PLCXD3: variants seen among roughly 807,000 people sequenced by gnomAD.
The protein encoded by PLCXD3 is phosphatidylinositol specific phospholipase C X domain containing 3, also known as PI-PLC X domain-containing protein 3.
PLCXD3 carries 19 observed loss-of-function variants against 25.5 expected under a neutral mutation model. The ratio of observed to expected loss-of-function variants is 0.75; its 90% CI spans 0.52 to 1.09. The LOEUF is 1.09. PLCXD3 is among the 50% of genes least tolerant of loss of function. The pLI is 0.00. For missense variants in PLCXD3, 411 were observed against 388.1 expected (o/e 1.06, Z -0.50); for synonymous variants, 174 against 137.6 (o/e 1.26, Z -1.85).
At chr5:41,469,032 G>A (rs570471728) in intron 1 of PLCXD3, among the ~76,000 whole-genome samples, 4 of 152,032 alleles carry the variant, frequency 2.6e-5, no homozygotes, top group Admixed American at 2.0e-4. Flanking sequence ...ATGGCCTAAC[G>A]GTGTTGAGGT....
At chr5:41,362,576 A>C (rs1744818024) in intron 2 of PLCXD3, among the ~76,000 whole-genome samples, 1 of 152,224 alleles carries the variant, frequency 6.6e-6, no homozygotes, top group Non-Finnish European at 1.5e-5. Flanking sequence ...AGAATGTTAA[A>C]ATCAGAAACC....
chr5:41,382,557 T>C, intron 1 of PLCXD3, 23 bp from the exon 2 acceptor site: 1 of 1,536,062 alleles, frequency 6.5e-7, no homozygotes, highest in Admixed American at 1.9e-5. Context: ...CAAGGCATAG[T>C]GTGGTTAATT....
intron 1 of PLCXD3, among the ~76,000 whole-genome samples, chr5:41,403,734 T>A (rs1746271931): frequency 1.5e-5 from 2 of 137,294 alleles, no homozygotes; most frequent in Non-Finnish European, 3.1e-5. Context: ...GGATATGAAC[T>A]CATCATTTTT....
intron 1 of PLCXD3, among the ~76,000 whole-genome samples, chr5:41,508,536 T>C (rs1738933606): frequency 6.6e-6 from 1 of 152,246 alleles, no homozygotes; most frequent in Admixed American, 6.5e-5. Flanking sequence ...CCCTGCTTCA[T>C]GGGGTTTTAG....
chr5:41,377,902 T>C (rs1476473505), intron 2 of PLCXD3, among the ~76,000 whole-genome samples: 2 of 152,032 alleles, frequency 1.3e-5, no homozygotes, highest in Non-Finnish European at 2.9e-5. Flanking sequence ...TAGCTCAAAC[T>C]CCAAACTGTG....
chr5:41,478,090 T>C (rs941519745), intron 1 of PLCXD3, among the ~76,000 whole-genome samples: 3 of 152,194 alleles, frequency 2.0e-5, no homozygotes, highest in African/African-American at 7.2e-5. Flanking sequence ...CATGATAGGC[T>C]GGCCATGTTT....
At chr5:41,424,925 A>G (rs907289164) in intron 1 of PLCXD3, among the ~76,000 whole-genome samples, 2 of 152,182 alleles carry the variant, frequency 1.3e-5, no homozygotes, top group Admixed American at 6.5e-5. Context: ...CTAATTTTCT[A>G]ACTTTATGAT....
intron 2 of PLCXD3, among the ~76,000 whole-genome samples, chr5:41,321,315 G>C (rs562607402): frequency 5.3e-5 from 8 of 151,894 alleles, no homozygotes; most frequent in Non-Finnish European, 7.4e-5. Flanking sequence ...ATGTGAAAAA[G>C]AATAAAAGAA....
intron 1 of PLCXD3, among the ~76,000 whole-genome samples, chr5:41,470,860 T>C (rs2445888): frequency 0.92 from 140,062 of 152,276 alleles, 64,582 homozygotes; most frequent in Admixed American, 0.95. Flanking sequence ...CCACCTGATC[T>C]GCCGGCAGTG....
At chr5:41,403,413 T>TTTTTG (rs1178334780) in intron 1 of PLCXD3, among the ~76,000 whole-genome samples, 1 of 32,176 alleles carries the variant, frequency 3.1e-5, no homozygotes, top group African/African-American at 1.4e-4. Context: ...TTTTTTTTTT[T>TTTTTG]TTTATTATAC....
rs905657995 is a variant in PLCXD3 at position 41,309,221 on chromosome 5, A to G, written c.*4396T>C. On this transcript the variant is annotated 3_prime_UTR_variant, in exon 3 of 3. Coordinates refer to ENST00000377801, the MANE Select transcript of PLCXD3 (RefSeq NM_001005473.3). The stretch of plus-strand genomic sequence containing the variant: ...TCACAATTGAAATAACAATTACACA[A>G]TTTTCAACAGATTCAATTGACATGT... 1 of 152,584 alleles carries G rather than the reference A, an allele frequency of 6.6e-6. No homozygotes were observed. Among genetic ancestry groups the G allele is most frequent in the Non-Finnish European group, 1.5e-5 (1 of 68,014 alleles). 9.5% of individuals were successfully genotyped at this position (152,584 alleles called of 1,614,324 possible).
At chr5:41,507,237 CCTG>C (rs1215621841) in intron 1 of PLCXD3, among the ~76,000 whole-genome samples, 1 of 152,184 alleles carries the variant, frequency 6.6e-6, no homozygotes, top group Admixed American at 6.5e-5. Context: ...TCCTCTCTCA[CCTG>C]CTTATAGTGA....
At chr5:41,458,265 G>T (rs979397147) in intron 1 of PLCXD3, among the ~76,000 whole-genome samples, 1 of 151,696 alleles carries the variant, frequency 6.6e-6, no homozygotes, top group Non-Finnish European at 1.5e-5. Context: ...CATAATTAAA[G>T]AACAGAATAT....
At chr5:41,467,363 G>A (rs1748042170) in intron 1 of PLCXD3, among the ~76,000 whole-genome samples, 2 of 152,150 alleles carry the variant, frequency 1.3e-5, no homozygotes, top group South Asian at 4.1e-4. Context: ...TTTGAGAAAT[G>A]TGTGTTCAAG....
chr5:41,322,676 G>T (rs1171901953), intron 2 of PLCXD3, among the ~76,000 whole-genome samples: 1 of 152,172 alleles, frequency 6.6e-6, no homozygotes, highest in Non-Finnish European at 1.5e-5. Flanking sequence ...ATCAACAGAT[G>T]ACTGGATAAA....
chr5:41,415,213 G>C (rs901861325), intron 1 of PLCXD3, among the ~76,000 whole-genome samples: 3 of 152,154 alleles, frequency 2.0e-5, no homozygotes, highest in African/African-American at 7.2e-5. Flanking sequence ...TGACAGGTGA[G>C]ATTAGAATTC....
intron 2 of PLCXD3, among the ~76,000 whole-genome samples, chr5:41,365,847 C>T (rs566392244): frequency 1.9e-4 from 29 of 151,960 alleles, no homozygotes; most frequent in Non-Finnish European, 3.7e-4. Context: ...ATATCTCAAG[C>T]GGAACCCTTT....
chr5:41,470,379 G>GAA (rs61142255), intron 1 of PLCXD3, among the ~76,000 whole-genome samples: 6 of 151,848 alleles, frequency 4.0e-5, no homozygotes, highest in Non-Finnish European at 5.9e-5. Flanking sequence ...ACAGAAATCT[G>GAA]AAAAAAACAT....
intron 1 of PLCXD3, among the ~76,000 whole-genome samples, chr5:41,478,840 AG>A (rs1748334912): frequency 6.6e-6 from 1 of 152,218 alleles, no homozygotes; most frequent in Non-Finnish European, 1.5e-5. Flanking sequence ...CAATAGTGGC[AG>A]AAGGGCGAAG....
Sources: allele counts gnomAD v4.1 joint callset (sites outside exome capture counted in the v4.1 genomes callset), GRCh38; gene constraint gnomAD v4.1.1; transcripts MANE v1.5; gene names NCBI Gene and HGNC (gene_info 2026-07-23, HGNC 2026-07-21).